The following ATP8A2 variants were observed in gnomAD, a reference collection of about 807,000 sequenced individuals.
ATP8A2 encodes the protein ATPase phospholipid transporting 8A2.
ATP8A2 carries 100 observed loss-of-function variants against 165.6 expected under a neutral mutation model. The observed-to-expected ratio is 0.60, with a 90% confidence interval of 0.51 to 0.71. The LOEUF (loss-of-function observed/expected upper bound fraction) is 0.71. ATP8A2 is among the 30% of genes least tolerant of loss of function. The pLI is 0.00. For synonymous variants in ATP8A2, 543 were observed against 548.8 expected, an observed-to-expected ratio of 0.99 and a Z score of 0.15; for missense variants, 1,227 against 1,479.5, an observed-to-expected ratio of 0.83 and a Z score of 2.80.
intron 10 of ATP8A2, among the ~76,000 whole-genome samples, chr13:25,549,184 G>A (rs1367378925): frequency 6.6e-6 from 1 of 152,120 alleles, no homozygotes; most frequent in Non-Finnish European, 1.5e-5. Context: ...GCCCGGCCGG[G>A]CGCGGTGGCT....
chr13:25,519,865 C>T (rs989262152), intron 2 of ATP8A2, among the ~76,000 whole-genome samples: 2 of 152,128 alleles, frequency 1.3e-5, no homozygotes, highest in Non-Finnish European at 2.9e-5. Context: ...AGATGTTTTT[C>T]CCCTGGCAGA....
chr13:25,737,404 G>C (rs2043795459), intron 25 of ATP8A2, among the ~76,000 whole-genome samples: 3 of 152,206 alleles, frequency 2.0e-5, no homozygotes, highest in Non-Finnish European at 2.9e-5. Context: ...ACCAAGAAGA[G>C]TCACCTGTTG....
chr13:25,510,553 C>T (rs1300791249), intron 2 of ATP8A2, among the ~76,000 whole-genome samples: 1 of 152,182 alleles, frequency 6.6e-6, no homozygotes, highest in Non-Finnish European at 1.5e-5. Context: ...GGAATACATA[C>T]AAATGTTGCA....
chr13:25,454,649 C>T (rs534802424), intron 1 of ATP8A2, among the ~76,000 whole-genome samples: 22 of 152,254 alleles, frequency 1.4e-4, no homozygotes, highest in African/African-American at 2.9e-4. Context: ...TTTGGCCGGG[C>T]GCGGTGGCTC....
chr13:25,872,348 A>G (rs1327636369), intron 33 of ATP8A2, among the ~76,000 whole-genome samples: 1 of 152,088 alleles, frequency 6.6e-6, no homozygotes, highest in Admixed American at 6.5e-5. Flanking sequence ...CTGGCTGAGG[A>G]TGAATTGAGC....
intron 29 of ATP8A2, 137 bp downstream of exon 29, chr13:25,837,422 A>AG: frequency 2.5e-6 from 1 of 400,168 alleles, no homozygotes; most frequent in South Asian, 2.8e-5. Context: ...TCACCCCACC[A>AG]CCACACACAC....
chr13:25,671,688 C>CA (rs535980274), intron 24 of ATP8A2, among the ~76,000 whole-genome samples: 4,271 of 152,206 alleles, frequency 0.028, 190 homozygotes, highest in African/African-American at 0.096. Flanking sequence ...CGGTTGATCT[C>CA]AAAACCCTGT....
At position 25,469,047 on chromosome 13, in the gene ATP8A2, C is replaced by G; in HGVS notation, c.147C>G (p.Asp49Glu). Residue 49 changes from aspartate (D) to glutamate (E), a missense_variant, in exon 2 of 37, where the codon GAC becomes GAG. Coordinates refer to ENST00000381655, the MANE Select transcript of ATP8A2 (RefSeq NM_016529.6). ...DEMSRATSVG[D>E]QLEAPARTIY... ...TGTCCCGGGCCACGTCTGTTGGAGACCAGCTGGAGGCACCCGCCCGCACCA... is the reference window on the plus strand; with the variant it reads ...TGTCCCGGGCCACGTCTGTTGGAGAGCAGCTGGAGGCACCCGCCCGCACCA... 6.2e-7 allele frequency: 1 copy of G among 1,614,080 alleles called. No individual in the cohort carries two copies. The highest frequency in any genetic ancestry group is 8.5e-7 in the Non-Finnish European group (1 of 1,179,922).
At chr13:25,390,509 C>G (rs1158693601) in intron 1 of ATP8A2, among the ~76,000 whole-genome samples, 1 of 152,130 alleles carries the variant, frequency 6.6e-6, no homozygotes, top group Non-Finnish European at 1.5e-5. Context: ...TTCCCCTCTC[C>G]CAGCCCCTAT....
chr13:25,944,213 A>G (rs556930012), intron 33 of ATP8A2, among the ~76,000 whole-genome samples: 156 of 152,368 alleles, frequency 1.0e-3, no homozygotes, highest in Middle Eastern at 6.8e-3. Flanking sequence ...TGTTAGGCAT[A>G]TAGGCCTGTA....
chr13:25,897,855 G>A (rs748356570), intron 33 of ATP8A2, among the ~76,000 whole-genome samples: 4 of 152,124 alleles, frequency 2.6e-5, no homozygotes, highest in Admixed American at 1.3e-4. Context: ...CATTCATCGC[G>A]TAGTTCTTGT....
At chr13:25,465,727 C>CTTT (rs1272833005) in intron 1 of ATP8A2, among the ~76,000 whole-genome samples, 1 of 59,300 alleles carries the variant, frequency 1.7e-5, no homozygotes, top group African/African-American at 7.5e-5. Flanking sequence ...TTCTTTCTTT[C>CTTT]TTTCTTTCTT....
intron 24 of ATP8A2, among the ~76,000 whole-genome samples, chr13:25,672,043 A>G (rs2042275649): frequency 6.6e-6 from 1 of 152,206 alleles, no homozygotes; most frequent in Non-Finnish European, 1.5e-5. Context: ...ATAGAAAAGA[A>G]CCTACATGAA....
At chr13:25,580,680 C>T (rs1175680385) in intron 22 of ATP8A2, among the ~76,000 whole-genome samples, 3 of 152,154 alleles carry the variant, frequency 2.0e-5, no homozygotes, top group Admixed American at 2.0e-4. Flanking sequence ...ACTACAGTCT[C>T]ATGCTACCAT....
At chr13:25,981,582 G>A (rs914711500) in intron 35 of ATP8A2, among the ~76,000 whole-genome samples, 8 of 152,024 alleles carry the variant, frequency 5.3e-5, no homozygotes, top group African/African-American at 1.9e-4. Flanking sequence ...AAATATCTCT[G>A]GATTTCAATA....
chr13:25,816,771 C>T (rs943565490), intron 27 of ATP8A2, among the ~76,000 whole-genome samples: 2 of 152,136 alleles, frequency 1.3e-5, no homozygotes, highest in East Asian at 1.9e-4. Flanking sequence ...ACAGACCTTT[C>T]GCTCTACTTT....
chr13:25,795,715 C>G (rs1400604265), intron 27 of ATP8A2, among the ~76,000 whole-genome samples: 1 of 152,106 alleles, frequency 6.6e-6, no homozygotes, highest in Non-Finnish European at 1.5e-5. Flanking sequence ...ACTAGAATAG[C>G]GCTATTGATA....
chr13:25,549,334 C>G (rs1040036239), intron 10 of ATP8A2, among the ~76,000 whole-genome samples: 1 of 151,870 alleles, frequency 6.6e-6, no homozygotes, highest in African/African-American at 2.4e-5. Context: ...GTGGCGCACA[C>G]TTGTAATCCC....
chr13:25,478,711 A>T (rs1300870841), intron 2 of ATP8A2, among the ~76,000 whole-genome samples: 6 of 152,198 alleles, frequency 3.9e-5, no homozygotes, highest in African/African-American at 1.4e-4. Context: ...TATAACATAT[A>T]CCATACGAAA....
Sources: gnomAD v4.1 joint callset for allele counts (sites outside exome capture counted in the v4.1 genomes callset) on GRCh38, gnomAD v4.1.1 for gene constraint, MANE v1.5 for transcripts, NCBI Gene and HGNC (gene_info 2026-07-23, HGNC 2026-07-21) for gene names.